Variants in TBC1D26 observed in about 807,000 individuals in gnomAD.
TBC1D26 encodes TBC1 domain family member 26, also known as TBC1 domain family, member 26.
A neutral mutation model predicts 42.5 loss-of-function variants in TBC1D26; 19 were observed. That is an observed-to-expected ratio of 0.45 (90% confidence interval 0.31 to 0.66). The LOEUF is 0.66. Among genes scored for constraint, TBC1D26 ranks in the 30% least tolerant of loss-of-function variants. TBC1D26 has a pLI of 0.06. For synonymous variants in TBC1D26, 97 were observed against 123.5 expected, an observed-to-expected ratio of 0.79 and a Z score of 1.42; for missense variants, 228 against 332.6, an observed-to-expected ratio of 0.69 and a Z score of 2.45.
chr17:15,735,363 G>C lies in TBC1D26; in HGVS notation c.15G>C (p.Gly5=). The part of the protein sequence containing the change: MEMD[G]DPYNLPAQGQ... Reference sequence around the variant, plus strand: ...TGTCTTGCAGGATGGAGATGGATGGGGACCCGTATAACCTGCCTGCCCAGG... The same window carrying C: ...TGTCTTGCAGGATGGAGATGGATGGCGACCCGTATAACCTGCCTGCCCAGG... Residue 5 remains glycine, a synonymous_variant, in exon 3 of 15, where the codon GGG becomes GGC. Transcript: ENST00000437605. 6.2e-7 allele frequency: 1 copy of C among 1,613,912 alleles called. No individual in the cohort carries two copies. Among genetic ancestry groups the C allele is most frequent in the Admixed American group, 1.7e-5 (1 of 60,004 alleles).
At chr17:15,739,458 A>C (rs181972327) in intron 8 of TBC1D26, among the ~76,000 whole-genome samples, 3 of 152,300 alleles carry the variant, frequency 2.0e-5, no homozygotes, top group Non-Finnish European at 2.9e-5. Context: ...CATGGGAACT[A>C]GGGAGGAAGG....
Position 15,741,923 on chromosome 17 carries a change from T to C in TBC1D26, c.647-19T>C, listed in dbSNP as rs1967795848. 6.2e-7 allele frequency: 1 copy of C among 1,612,730 alleles called. No individual in the cohort carries two copies. The highest frequency in any genetic ancestry group is 8.5e-7 in the Non-Finnish European group (1 of 1,179,268). ...TTGGGCGTGGGGTCTGATGGGGTGA[T>C]GGGTCGCGGGCTTCTCAGTATTCTA... is the stretch of plus-strand genomic sequence containing the variant. On this transcript the variant is annotated intron_variant, in intron 10 of 14. Transcript: ENST00000437605.
At chr17:15,734,047 C>T (rs891259227) in intron 1 of TBC1D26, 6 of 152,268 alleles carry the variant, frequency 3.9e-5, no homozygotes, top group African/African-American at 1.2e-4. Context: ...CACAGAAACT[C>T]TGTGGCGATG....
chr17:15,737,905 C>G, intron 5 of TBC1D26, 92 bp from the exon 6 acceptor site: 1 of 1,554,956 alleles, frequency 6.4e-7, no homozygotes. Flanking sequence ...AAGTTGGGTC[C>G]CTTCAGGGCC....
At chr17:15,741,590 G>A in intron 10 of TBC1D26, 1 of 404,836 alleles carries the variant, frequency 2.5e-6, no homozygotes, top group Non-Finnish European at 4.3e-6. Flanking sequence ...CCTACAGATG[G>A]GCCAACAAAG....
chr17:15,741,834 A>T, intron 10 of TBC1D26, 108 bp from the exon 11 acceptor site: 1 of 1,012,996 alleles, frequency 9.9e-7, no homozygotes, highest in East Asian at 2.5e-5. Context: ...CATGGGAGGG[A>T]GGGAGGCCTC....
In TBC1D26 at chr17:15,741,127, G is replaced by A. The variant is rs370850484; in HGVS notation, c.552G>A (p.Val184=). ...LVAYSAYNPE[V]GYHRDLSRIT... Reference sequence around the variant, plus strand: ...GGTGACTCTGGCTCTTGCAGGAGGTGGGCTACCACAGGGACCTGAGCCGCA... The same window carrying A: ...GGTGACTCTGGCTCTTGCAGGAGGTAGGCTACCACAGGGACCTGAGCCGCA... The change falls in exon 10 of 15, where the codon GTG becomes GTA. Residue 184 remains valine, a synonymous_variant. Transcript: ENST00000437605. 2 of 1,610,846 alleles carry A rather than the reference G, an allele frequency of 1.2e-6. No individual in the cohort carries two copies. Among genetic ancestry groups the A allele is most frequent in the Admixed American group, 1.7e-5 (1 of 60,016 alleles).
At chr17:15,741,010 G>C in intron 9 of TBC1D26, 112 bp from the exon 10 acceptor site, 2 of 1,411,950 alleles carry the variant, frequency 1.4e-6, no homozygotes, top group Non-Finnish European at 1.9e-6. Context: ...ATCCCCTGGG[G>C]CCTGAGGCAG....
At chr17:15,738,883 G>A in intron 8 of TBC1D26, 53 bp downstream of exon 8, 1 of 1,608,536 alleles carries the variant, frequency 6.2e-7, no homozygotes, top group Non-Finnish European at 8.5e-7. Context: ...CAATCCAGAG[G>A]AATGAGGTTG....
intron 2 of TBC1D26, 88 bp downstream of exon 2, chr17:15,735,158 C>T (rs1257155674): frequency 3.0e-6 from 2 of 659,700 alleles, no homozygotes; most frequent in Non-Finnish European, 5.3e-6. Context: ...GAGCCCACCA[C>T]TGGTTGGAGG....
intron 14 of TBC1D26, 73 bp downstream of exon 14, chr17:15,743,589 G>T: frequency 1.9e-6 from 1 of 525,310 alleles, no homozygotes; most frequent in South Asian, 8.0e-5. Flanking sequence ...CCGTGGCCCC[G>T]CCAGCCCTCC....
Position 15,738,604 on chromosome 17 carries a change from G to A in TBC1D26, c.388-117G>A, listed in dbSNP as rs73978523. 1.1e-3 allele frequency: 1,737 copies of A among 1,563,674 alleles called. 3 individuals carry two copies. In the African/African-American group the frequency reaches 0.02, roughly 18 times the overall value. On this transcript the variant is annotated intron_variant, in intron 7 of 14. Coordinates refer to ENST00000437605, the MANE Select transcript of TBC1D26 (RefSeq NM_001388465.1). ...ACAAGGTAAAAAGGAGCTTTCTGCA[G>A]AAGGAAACCTTCCTTCCTTCCTTCC...
At chr17:15,742,096 G>A (rs1034591177) in intron 11 of TBC1D26, 60 bp downstream of exon 11, 146 of 1,459,976 alleles carry the variant, frequency 1.0e-4, no homozygotes, top group Non-Finnish European at 8.1e-5. Context: ...GGCCAGGGGA[G>A]GCTCAAGTCC....
At chr17:15,739,935 T>A (rs914874215) in intron 8 of TBC1D26, among the ~76,000 whole-genome samples, 165 bp from the exon 9 acceptor site, 2 of 152,252 alleles carry the variant, frequency 1.3e-5, no homozygotes, top group African/African-American at 2.4e-5. Context: ...TGGATTTTAC[T>A]GAAAAAAAAT....
intron 1 of TBC1D26, among the ~76,000 whole-genome samples, chr17:15,733,011 G>A (rs1478957809): frequency 5.9e-5 from 9 of 151,494 alleles, no homozygotes; most frequent in Non-Finnish European, 1.2e-4. Context: ...TGGTCAGGAA[G>A]GCCTGGTCAC....
intron 10 of TBC1D26, 38 bp downstream of exon 10, chr17:15,741,259 C>T (rs1597757653): frequency 1.2e-6 from 2 of 1,612,174 alleles, no homozygotes; most frequent in Non-Finnish European, 1.7e-6. Flanking sequence ...GACAGCTGCC[C>T]CCGGGGCCTT....
intron 4 of TBC1D26, among the ~76,000 whole-genome samples, chr17:15,736,238 G>A (rs1481961642): frequency 4.6e-5 from 7 of 152,372 alleles, no homozygotes; most frequent in Non-Finnish European, 1.0e-4. Context: ...TGAAGGCCCC[G>A]GGAGTGGTGC....
At chr17:15,742,536 C>A in intron 12 of TBC1D26, 57 bp downstream of exon 12, 1 of 197,090 alleles carries the variant, frequency 5.1e-6, no homozygotes, top group Non-Finnish European at 1.0e-5. Context: ...CAGTGCCCAG[C>A]TTCCTCAGCT....
chr17:15,738,082 C>T lies in TBC1D26; in HGVS notation c.279+5C>T, dbSNP rs1222371558. The stretch of plus-strand genomic sequence containing the variant: ...AAATATAGGAGCACCAAGAAGGTAA[C>T]ATGGGGAGGAAGTGGCCCGCGTGAC... On this transcript the variant is annotated splice_donor_5th_base_variant and intron_variant, in intron 6 of 14. Coordinates refer to ENST00000437605, the MANE Select transcript of TBC1D26 (RefSeq NM_001388465.1). 1 of 1,614,206 alleles carries T rather than the reference C, an allele frequency of 6.2e-7. No homozygotes were observed. Among genetic ancestry groups the T allele is most frequent in the Non-Finnish European group, 8.5e-7 (1 of 1,180,032 alleles).
Sources: gnomAD v4.1 joint callset for allele counts (sites outside exome capture counted in the v4.1 genomes callset) on GRCh38, gnomAD v4.1.1 for gene constraint, MANE v1.5 for transcripts, NCBI Gene and HGNC (gene_info 2026-07-23, HGNC 2026-07-21) for gene names.